The following LRBA variants were observed in gnomAD, a reference collection of about 807,000 sequenced individuals.
The protein encoded by LRBA is lipopolysaccharide-responsive and beige-like anchor protein.
In LRBA, 176 loss-of-function variants were observed where a neutral mutation model predicts 330.0. The observed-to-expected ratio is 0.53, with a 90% CI of 0.47 to 0.60. The LOEUF (loss-of-function observed/expected upper bound fraction) is 0.60. Ranked by LOEUF, LRBA falls within the 20% of genes least tolerant of loss-of-function variation. LRBA has a pLI of 0.00. For synonymous variants in LRBA, 1,230 were observed against 1,193.0 expected (o/e 1.03, Z -0.64); for missense variants, 3,259 against 3,444.8 (o/e 0.95, Z 1.35).
At chr4:150,756,103 T>C (rs17027077) in intron 35 of LRBA, among the ~76,000 whole-genome samples, 4,221 of 150,638 alleles carry the variant, frequency 0.028, 184 homozygotes, top group African/African-American at 0.097. Context: ...TTTTCAAAAT[T>C]CTAGAGGTTA....
chr4:150,808,349 T>C lies in LRBA; in HGVS notation c.5355A>G (p.Ser1785=). The C allele has an allele frequency of 6.2e-7, 1 of 1,612,626 alleles. No individual in the cohort carries two copies. Among genetic ancestry groups the C allele is most frequent in the Non-Finnish European group, 8.5e-7 (1 of 1,179,068 alleles). ...TATTTGAAACCGGATCTTGTGAAAC[T>C]GAATCAACTGTTGGAACTGAGGGCA... ...AKLPSVPTVD[S]VSQDPVSNMS... Residue 1785 remains serine, a synonymous_variant, in exon 32 of 57, where the codon TCA becomes TCG. Coordinates refer to ENST00000651943, the MANE Select transcript of LRBA (RefSeq NM_001364905.1).
chr4:150,655,215 T>C (rs972613248), intron 37 of LRBA, among the ~76,000 whole-genome samples: 24 of 152,212 alleles, frequency 1.6e-4, no homozygotes, highest in Non-Finnish European at 3.1e-4. Context: ...GCAAATATAA[T>C]TACATTTGCC....
At chr4:150,989,290 G>A (rs1667679079) in intron 2 of LRBA, among the ~76,000 whole-genome samples, 1 of 152,102 alleles carries the variant, frequency 6.6e-6, no homozygotes, top group Non-Finnish European at 1.5e-5. Flanking sequence ...ACAGGTGCGA[G>A]CCACAGCCCC....
intron 37 of LRBA, among the ~76,000 whole-genome samples, chr4:150,666,957 A>G (rs1468324237): frequency 6.6e-6 from 1 of 152,198 alleles, no homozygotes; most frequent in Non-Finnish European, 1.5e-5. Flanking sequence ...AATGAAAGGA[A>G]AATATTTAAG....
intron 47 of LRBA, among the ~76,000 whole-genome samples, chr4:150,360,545 C>CT (rs1191148771): frequency 1.3e-5 from 2 of 152,146 alleles, no homozygotes; most frequent in African/African-American, 4.8e-5. Context: ...GACGGTGAGG[C>CT]TTTATTCAGT....
chr4:150,601,182 C>T (rs1304767224), intron 37 of LRBA, among the ~76,000 whole-genome samples: 1 of 152,158 alleles, frequency 6.6e-6, no homozygotes, highest in Non-Finnish European at 1.5e-5. Flanking sequence ...CAGTATTATG[C>T]AAAGGTAGTA....
intron 37 of LRBA, among the ~76,000 whole-genome samples, chr4:150,610,593 A>C (rs186171604): frequency 6.5e-4 from 99 of 152,154 alleles, no homozygotes; most frequent in Admixed American, 1.6e-3. Flanking sequence ...CCATCACAAA[A>C]AAACAAACAA....
At chr4:150,665,118 A>G (rs1781454325) in intron 37 of LRBA, among the ~76,000 whole-genome samples, 1 of 152,132 alleles carries the variant, frequency 6.6e-6, no homozygotes, top group South Asian at 2.1e-4. Flanking sequence ...TCCTTACGCA[A>G]TCACACAGGA....
intron 40 of LRBA, among the ~76,000 whole-genome samples, chr4:150,500,217 C>T (rs906620033): frequency 6.6e-6 from 1 of 151,458 alleles, no homozygotes; most frequent in East Asian, 1.9e-4. Context: ...CCCATGAATA[C>T]GTACAACTGT....
At chr4:150,882,733 A>C (rs1728533673) in intron 17 of LRBA, among the ~76,000 whole-genome samples, 1 of 152,234 alleles carries the variant, frequency 6.6e-6, no homozygotes, top group Non-Finnish European at 1.5e-5. Flanking sequence ...CAGATATTAA[A>C]AATATGATAA....
chr4:150,643,413 A>G (rs1037958954), intron 37 of LRBA, among the ~76,000 whole-genome samples: 6 of 152,004 alleles, frequency 3.9e-5, no homozygotes, highest in Non-Finnish European at 8.8e-5. Context: ...CACATAGATG[A>G]TAAGAAAAGG....
chr4:150,866,970 G>A (rs1438129898), intron 22 of LRBA, among the ~76,000 whole-genome samples: 1 of 151,738 alleles, frequency 6.6e-6, no homozygotes, highest in Non-Finnish European at 1.5e-5. Flanking sequence ...AGTGGTGTTG[G>A]GGGTCAGGCG....
intron 29 of LRBA, among the ~76,000 whole-genome samples, chr4:150,828,922 G>GTGTGTGTGTGTGTGTGTGTGT (rs1560878315): frequency 2.8e-5 from 3 of 106,176 alleles, no homozygotes; most frequent in East Asian, 2.7e-4. Flanking sequence ...CTTTTTTGGG[G>GTGTGTGTGTGTGTGTGTGTGT]GTGTGTGTGT....
intron 37 of LRBA, among the ~76,000 whole-genome samples, chr4:150,602,884 T>G (rs1359699154): frequency 6.6e-6 from 1 of 152,210 alleles, no homozygotes; most frequent in Non-Finnish European, 1.5e-5. Context: ...AACAGACTGT[T>G]GACCAAATAT....
chr4:150,559,854 ATAAT>A (rs1561352182), intron 40 of LRBA, among the ~76,000 whole-genome samples: 3 of 25,582 alleles, frequency 1.2e-4, no homozygotes, highest in African/African-American at 3.3e-4. Context: ...ATAATAATAT[ATAAT>A]TATATATAAT....
chr4:150,761,903 T>C (rs1166422412), intron 34 of LRBA, 56 bp from the exon 35 acceptor site: 7 of 867,824 alleles, frequency 8.1e-6, no homozygotes, highest in South Asian at 1.7e-5. Context: ...GGTTCTTTCT[T>C]TTAAAACAAT....
At chr4:150,691,559 G>A (rs1325155164) in intron 36 of LRBA, among the ~76,000 whole-genome samples, 3 of 152,152 alleles carry the variant, frequency 2.0e-5, no homozygotes, top group Non-Finnish European at 4.4e-5. Flanking sequence ...GCACTGACAA[G>A]GACATGGAAC....
intron 16 of LRBA, among the ~76,000 whole-genome samples, chr4:150,895,270 T>C (rs967663776): frequency 3.9e-5 from 6 of 152,174 alleles, no homozygotes; most frequent in Non-Finnish European, 7.4e-5. Context: ...TTTCAACCTA[T>C]TTAATTTTCT....
In LRBA at chr4:150,852,830, G is replaced by T. The variant is rs1426468966; in HGVS notation, c.2880C>A (p.Gly960=). The change falls in exon 23 of 57, where the codon GGC becomes GGA. Residue 960 remains glycine, a synonymous_variant. Transcript: ENST00000651943. ...CSSTSVQAAS[G]IRRDINVSVG... The stretch of plus-strand genomic sequence containing the variant: ...CTGAAACATTAATATCCCTTCTAAT[G>T]CCAGAGGCTGCTTGAACTGAAGTTG... 2.5e-6 allele frequency: 4 copies of T among 1,613,834 alleles called. No individual in the cohort carries two copies. In the South Asian group the frequency reaches 4.4e-5, roughly 18 times the overall value.
Sources: allele counts gnomAD v4.1 joint callset (sites outside exome capture counted in the v4.1 genomes callset), GRCh38; gene constraint gnomAD v4.1.1; transcripts MANE v1.5; gene names NCBI Gene and HGNC (gene_info 2026-07-23, HGNC 2026-07-21).